ADAM23: variants seen among roughly 807,000 people sequenced by gnomAD.
The protein encoded by ADAM23 is ADAM metallopeptidase domain 23.
ADAM23 carries 33 observed loss-of-function variants against 120.1 expected under a neutral mutation model. That is an observed-to-expected ratio of 0.27 (90% confidence interval 0.21 to 0.37). The LOEUF (loss-of-function observed/expected upper bound fraction) is 0.37, where lower values mean the gene tolerates loss of function less well. Ranked by LOEUF, ADAM23 falls within the 10% of genes least tolerant of loss-of-function variation. The pLI is 1.00. For synonymous variants in ADAM23, 367 were observed against 375.2 expected, an observed-to-expected ratio of 0.98 and a Z score of 0.25; for missense variants, 862 against 1,058.2, an observed-to-expected ratio of 0.81 and a Z score of 2.57.
chr2:206,497,304 A>G (rs1218187903), intron 3 of ADAM23, among the ~76,000 whole-genome samples: 2 of 152,198 alleles, frequency 1.3e-5, no homozygotes, highest in Non-Finnish European at 2.9e-5. Flanking sequence ...CTTATCCACC[A>G]TGATCAAGTG....
chr2:206,473,122 G>A (rs1695695552), intron 2 of ADAM23, among the ~76,000 whole-genome samples: 1 of 152,114 alleles, frequency 6.6e-6, no homozygotes, highest in African/African-American at 2.4e-5. Context: ...AAACTGTCAT[G>A]TTTAACTCAC....
chr2:206,601,092 C>T lies in ADAM23; in HGVS notation c.2359+4930C>T, dbSNP rs368411710. On this transcript the variant is annotated intron_variant, in intron 24 of 25. Transcript: ENST00000264377. ...TTCTCTCCTGTTACAGGGAGACCCA[C>T]ATCAAGTACCCCAATTATTGTCTGT... Among the ~76,000 whole-genome samples the T allele has an allele frequency of 6.6e-5, 10 of 152,326 alleles. No individual in the cohort carries two copies. In the East Asian group the frequency reaches 1.9e-3, roughly 29 times the overall value.
intron 24 of ADAM23, among the ~76,000 whole-genome samples, chr2:206,603,879 A>G (rs1303056171): frequency 1.3e-5 from 2 of 152,056 alleles, no homozygotes; most frequent in Non-Finnish European, 1.5e-5. Flanking sequence ...ATTTTTAAGC[A>G]TATGTGGCTT....
chr2:206,587,156 C>T (rs1698338470), intron 18 of ADAM23, among the ~76,000 whole-genome samples, 169 bp from the exon 19 acceptor site: 1 of 152,034 alleles, frequency 6.6e-6, no homozygotes, highest in Non-Finnish European at 1.5e-5. Context: ...CTTATTTTAC[C>T]AATAATAGGA....
chr2:206,493,134 T>G (rs1026977528), intron 3 of ADAM23, among the ~76,000 whole-genome samples: 1 of 152,128 alleles, frequency 6.6e-6, no homozygotes, highest in Non-Finnish European at 1.5e-5. Flanking sequence ...TTTAGAACCA[T>G]TTTTTGGATG....
intron 4 of ADAM23, among the ~76,000 whole-genome samples, chr2:206,538,961 C>T (rs1697236817): frequency 6.6e-6 from 1 of 151,990 alleles, no homozygotes; most frequent in Admixed American, 6.6e-5. Flanking sequence ...ATCTTTTTTT[C>T]CCTACAAGTT....
chr2:206,446,846 T>G (rs1258917079), intron 2 of ADAM23, among the ~76,000 whole-genome samples: 2 of 152,126 alleles, frequency 1.3e-5, no homozygotes, highest in Non-Finnish European at 2.9e-5. Context: ...TCTAACTCAT[T>G]TGTCTTATTG....
At chr2:206,580,169 C>T (rs1050870447) in intron 18 of ADAM23, among the ~76,000 whole-genome samples, 3 of 152,142 alleles carry the variant, frequency 2.0e-5, no homozygotes, top group African/African-American at 7.2e-5. Flanking sequence ...CAAACAGTGA[C>T]AGTCTGACTT....
intron 9 of ADAM23, among the ~76,000 whole-genome samples, chr2:206,556,190 A>G (rs1353832103): frequency 1.3e-5 from 2 of 152,070 alleles, no homozygotes; most frequent in African/African-American, 4.8e-5. Context: ...TACTATAATA[A>G]TAGCAGAATA....
intron 3 of ADAM23, among the ~76,000 whole-genome samples, chr2:206,491,183 A>G (rs1337012612): frequency 2.6e-5 from 4 of 152,054 alleles, no homozygotes; most frequent in Non-Finnish European, 4.4e-5. Flanking sequence ...CCTATTAACA[A>G]TAATTATTGT....
chr2:206,473,774 C>G (rs1695714485), intron 2 of ADAM23, among the ~76,000 whole-genome samples: 1 of 151,534 alleles, frequency 6.6e-6, no homozygotes. Context: ...TTTGGGAGAT[C>G]AAGGCGGGTG....
chr2:206,518,339 A>G (rs950244890), intron 3 of ADAM23, among the ~76,000 whole-genome samples: 58 of 152,204 alleles, frequency 3.8e-4, no homozygotes, highest in African/African-American at 1.2e-3. Flanking sequence ...TCTAGACTCT[A>G]TAATTAGCCT....
Position 206,561,195 on chromosome 2 carries a change from G to C in ADAM23, c.1237G>C (p.Gly413Arg). ...TGGAGGTGTCTGTTCTCGCACAAGA[G>C]GAGTTGGTGTGAATGAGGTAAATTT... Reference protein sequence around the residue: ...YFGGVCSRTRGVGVNEYGLPM... With the variant: ...YFGGVCSRTRRVGVNEYGLPM... Residue 413 changes from glycine to arginine, a missense_variant, in exon 12 of 26, where the codon GGA becomes CGA. Coordinates refer to ENST00000264377, the MANE Select transcript of ADAM23 (RefSeq NM_003812.4). The C allele has an allele frequency of 6.2e-7, 1 of 1,613,938 alleles. No individual in the cohort carries two copies. Among genetic ancestry groups the C allele is most frequent in the Non-Finnish European group, 8.5e-7 (1 of 1,179,880 alleles).
chr2:206,543,770 C>CAT (rs3084931), intron 6 of ADAM23, among the ~76,000 whole-genome samples: 3 of 151,946 alleles, frequency 2.0e-5, no homozygotes, highest in African/African-American at 7.2e-5. Flanking sequence ...CACACACACA[C>CAT]GCACACGCAC....
Position 206,534,161 on chromosome 2 carries a change from A to C in ADAM23, c.573+3213A>C, listed in dbSNP as rs144638599. On this transcript the variant is annotated intron_variant, in intron 4 of 25. Transcript: ENST00000264377. Reference sequence around the variant, plus strand: ...TAAAGAAACCACACCACCTGTTAACAGTTGCTCCCCAGTCTCTCTTTTACC... The same window carrying C: ...TAAAGAAACCACACCACCTGTTAACCGTTGCTCCCCAGTCTCTCTTTTACC... Among the ~76,000 whole-genome samples the C allele has an allele frequency of 4.3e-4, 65 of 152,320 alleles. 1 individual carries two copies. The East Asian group carries it at 0.012, about 28-fold the overall frequency.
intron 3 of ADAM23, among the ~76,000 whole-genome samples, chr2:206,529,021 C>T (rs2105796447): frequency 6.6e-6 from 1 of 152,264 alleles, no homozygotes; most frequent in Admixed American, 6.5e-5. Context: ...CCTAATAATC[C>T]AGTGCTCTTC....
chr2:206,551,774 T>C (rs1316758378), intron 9 of ADAM23, among the ~76,000 whole-genome samples: 1 of 152,224 alleles, frequency 6.6e-6, no homozygotes, highest in Non-Finnish European at 1.5e-5. Context: ...TTCCATTAAC[T>C]ATCAGTTTAA....
intron 4 of ADAM23, among the ~76,000 whole-genome samples, chr2:206,533,171 T>A (rs758772140): frequency 2.0e-4 from 30 of 152,116 alleles, no homozygotes; most frequent in Non-Finnish European, 4.4e-5. Context: ...TAATGCAGCC[T>A]TTTTTCCCCT....
At chr2:206,599,204 C>CAAA (rs199786169) in intron 24 of ADAM23, among the ~76,000 whole-genome samples, 1 of 70,260 alleles carries the variant, frequency 1.4e-5, no homozygotes, top group African/African-American at 5.3e-5. Context: ...GATTCCATCT[C>CAAA]AAAAAAAAAA....
Sources: gnomAD v4.1 joint callset for allele counts (sites outside exome capture counted in the v4.1 genomes callset) on GRCh38, gnomAD v4.1.1 for gene constraint, MANE v1.5 for transcripts, NCBI Gene and HGNC (gene_info 2026-07-23, HGNC 2026-07-21) for gene names.